Variants in SLC31A1 observed in about 807,000 individuals in gnomAD.
SLC31A1 encodes the protein solute carrier family 31 member 1.
A neutral mutation model predicts 17.2 loss-of-function variants in SLC31A1; 5 were observed. The ratio of observed to expected loss-of-function variants is 0.29; its 90% CI spans 0.15 to 0.61. The LOEUF (loss-of-function observed/expected upper bound fraction) is 0.61. Ranked by LOEUF, SLC31A1 falls within the 20% of genes least tolerant of loss-of-function variation. The pLI is 0.86. For missense variants in SLC31A1, 161 were observed against 241.4 expected (o/e 0.67, Z 2.21); for synonymous variants, 76 against 78.8 (o/e 0.96, Z 0.19).
intron 1 of SLC31A1, among the ~76,000 whole-genome samples, chr9:113,231,898 A>C (rs1009464907): frequency 1.4e-4 from 21 of 152,366 alleles, no homozygotes; most frequent in Middle Eastern, 6.8e-3. Context: ...GGGATAGGCG[A>C]TAGCCAGGCC....
At chr9:113,231,952 T>C (rs1831407443) in intron 1 of SLC31A1, among the ~76,000 whole-genome samples, 1 of 152,194 alleles carries the variant, frequency 6.6e-6, no homozygotes, top group South Asian at 2.1e-4. Flanking sequence ...ATAACAGAAT[T>C]ATATGGTCTA....
chr9:113,237,877 C>T (rs1228155622), intron 1 of SLC31A1, among the ~76,000 whole-genome samples: 1 of 152,116 alleles, frequency 6.6e-6, no homozygotes, highest in Non-Finnish European at 1.5e-5. Context: ...TATTGAATAG[C>T]CACCTAAAGG....
intron 1 of SLC31A1, among the ~76,000 whole-genome samples, chr9:113,248,462 CTTTTTTTTTTT>C (rs34154634): frequency 4.6e-5 from 4 of 86,552 alleles, no homozygotes; most frequent in East Asian, 3.3e-4. Flanking sequence ...GAAAGCAGTC[CTTTTTTTTTTT>C]TTTTTTTTTT....
At chr9:113,247,102 A>G (rs1831589428) in intron 1 of SLC31A1, among the ~76,000 whole-genome samples, 1 of 152,240 alleles carries the variant, frequency 6.6e-6, no homozygotes, top group Non-Finnish European at 1.5e-5. Context: ...ATCCCTGTTT[A>G]TGGTAGTGTA....
intron 1 of SLC31A1, among the ~76,000 whole-genome samples, chr9:113,252,946 CTTTTTTTCTTTTTTT>C (rs1831673366): frequency 8.8e-6 from 1 of 113,708 alleles, no homozygotes; most frequent in South Asian, 3.2e-4. Context: ...CTTTTCTTTT[CTTTTTTTCTTTTTTT>C]TTTTTTTTTT....
At chr9:113,225,103 T>C (rs1453860349) in intron 1 of SLC31A1, among the ~76,000 whole-genome samples, 2 of 152,214 alleles carry the variant, frequency 1.3e-5, no homozygotes, top group Non-Finnish European at 2.9e-5. Context: ...CTGGCATAAA[T>C]AGGTTTGTGA....
intron 1 of SLC31A1, among the ~76,000 whole-genome samples, chr9:113,241,418 G>C (rs1831519950): frequency 6.6e-6 from 1 of 152,162 alleles, no homozygotes. Context: ...TTCTGTATTT[G>C]GCTTGACTAG....
chr9:113,260,633 G>C lies in SLC31A1; in HGVS notation c.*160G>C. The C allele has an allele frequency of 1.4e-6, 1 of 693,064 alleles. No individual in the cohort carries two copies. The highest frequency in any genetic ancestry group is 1.5e-5 in the South Asian group (1 of 64,696). 42.9% of individuals were successfully genotyped at this position (693,064 alleles called of 1,614,324 possible). A position where few individuals can be genotyped will look rare whatever the true frequency, so the allele number is the denominator to read the frequency against. ...CACACCCCTGCTCAACAGAGGTTTA[G>C]TTTACAGTCTCTGAACTAAAGTAGT... On this transcript the variant is annotated 3_prime_UTR_variant, in exon 5 of 5. Coordinates refer to ENST00000374212, the MANE Select transcript of SLC31A1 (RefSeq NM_001859.4).
chr9:113,256,408 C>A, intron 2 of SLC31A1, 131 bp downstream of exon 2: 1 of 978,622 alleles, frequency 1.0e-6, no homozygotes, highest in African/African-American at 1.6e-5. Context: ...AAAGCAGACC[C>A]AAGCAAGTCA....
chr9:113,224,381 G>T (rs980554303), intron 1 of SLC31A1, among the ~76,000 whole-genome samples: 14 of 150,630 alleles, frequency 9.3e-5, no homozygotes, highest in African/African-American at 3.2e-4. Context: ...AGACTTTTCT[G>T]TTGTCTCCCA....
chr9:113,238,740 CTG>C (rs1831490751), intron 1 of SLC31A1, among the ~76,000 whole-genome samples: 1 of 152,178 alleles, frequency 6.6e-6, no homozygotes, highest in South Asian at 2.1e-4. Context: ...GGGCGACAGA[CTG>C]TGACTCTGCC....
chr9:113,256,860 CAA>C (rs10705989), intron 2 of SLC31A1, among the ~76,000 whole-genome samples: 71 of 102,470 alleles, frequency 6.9e-4, no homozygotes, highest in Non-Finnish European at 5.8e-4. Context: ...GAATCCGTAT[CAA>C]AAAAAAAAAA....
intron 1 of SLC31A1, among the ~76,000 whole-genome samples, chr9:113,234,072 C>T (rs1469362696): frequency 6.6e-6 from 1 of 152,200 alleles, no homozygotes; most frequent in Non-Finnish European, 1.5e-5. Flanking sequence ...ACCCTCACCC[C>T]ACCTTGAGTA....
At chr9:113,230,997 AG>A (rs1831396672) in intron 1 of SLC31A1, among the ~76,000 whole-genome samples, 1 of 152,110 alleles carries the variant, frequency 6.6e-6, no homozygotes, top group East Asian at 1.9e-4. Context: ...TCTGGGGCAG[AG>A]GGTACTTCAT....
At position 113,259,077 on chromosome 9, in the gene SLC31A1, T is replaced by C. The variant is rs531044638; in HGVS notation, c.371+215T>C. Among the ~76,000 whole-genome samples the C allele has an allele frequency of 9.2e-5, 14 of 152,294 alleles. No individual in the cohort carries two copies. The East Asian group carries it at 2.7e-3, about 29-fold the overall frequency. ...TGCAAATATGAATGTTTGTTCTGAG[T>C]TGTACGGATTGGCCACTTTGGAAGA... is the stretch of plus-strand genomic sequence containing the variant. On this transcript the variant is annotated intron_variant, in intron 4 of 4. Transcript: ENST00000374212.
chr9:113,235,772 T>C (rs2118990958), intron 1 of SLC31A1, among the ~76,000 whole-genome samples: 1 of 152,332 alleles, frequency 6.6e-6, no homozygotes, highest in South Asian at 2.1e-4. Context: ...GGCAATGCCC[T>C]GCAACAGTGA....
intron 1 of SLC31A1, among the ~76,000 whole-genome samples, chr9:113,241,265 C>T (rs551754958): frequency 2.1e-4 from 32 of 152,156 alleles, no homozygotes; most frequent in Admixed American, 5.9e-4. Flanking sequence ...ATTAGTTTTT[C>T]GGAGTGCAGC....
At chr9:113,227,453 C>T (rs1831354242) in intron 1 of SLC31A1, 1 of 151,946 alleles carries the variant, frequency 6.6e-6, no homozygotes, top group Admixed American at 6.6e-5. Context: ...GGGGCTTTGC[C>T]ATGTTGCCCA....
At chr9:113,260,167 G>A in intron 4 of SLC31A1, 105 bp from the exon 5 acceptor site, 1 of 929,490 alleles carries the variant, frequency 1.1e-6, no homozygotes, top group Non-Finnish European at 1.8e-6. Context: ...TGCCAGAGTG[G>A]CTGTCCAGTT....
Sources: gnomAD v4.1 joint callset for allele counts (sites outside exome capture counted in the v4.1 genomes callset) on GRCh38, gnomAD v4.1.1 for gene constraint, MANE v1.5 for transcripts, NCBI Gene and HGNC (gene_info 2026-07-23, HGNC 2026-07-21) for gene names.